WWOX: variants seen among roughly 807,000 people sequenced by gnomAD.
The protein encoded by WWOX is WW domain containing oxidoreductase.
In WWOX, 69 loss-of-function variants were observed where a neutral mutation model predicts 46.2. The observed-to-expected ratio is 1.49, with a 90% confidence interval of 1.23 to 1.82. WWOX has a LOEUF of 1.82. Among genes scored for constraint, WWOX ranks in the 40% most tolerant of loss-of-function variants. The pLI is 0.00. For missense variants in WWOX, 919 were observed against 542.6 expected, an observed-to-expected ratio of 1.69 and a Z score of -6.89; for synonymous variants, 359 against 202.6, an observed-to-expected ratio of 1.77 and a Z score of -6.56.
intron 8 of WWOX, among the ~76,000 whole-genome samples, chr16:78,477,679 T>C (rs2084384790): frequency 6.6e-6 from 1 of 152,198 alleles, no homozygotes; most frequent in East Asian, 1.9e-4. Context: ...TTTTAGCCTA[T>C]AAACTGAAAT....
chr16:79,026,173 T>G (rs1444504781), intron 8 of WWOX, among the ~76,000 whole-genome samples: 1 of 151,678 alleles, frequency 6.6e-6, no homozygotes, highest in African/African-American at 2.4e-5. Flanking sequence ...TCCTCACTCC[T>G]TTTAGGTGAA....
At chr16:78,423,481 T>A (rs983681949) in intron 6 of WWOX, among the ~76,000 whole-genome samples, 4 of 152,154 alleles carry the variant, frequency 2.6e-5, no homozygotes, top group Admixed American at 1.3e-4. Flanking sequence ...ATAGTTCTTA[T>A]TGGTACAGTA....
At chr16:78,777,649 A>G (rs918916826) in intron 8 of WWOX, among the ~76,000 whole-genome samples, 2 of 152,200 alleles carry the variant, frequency 1.3e-5, no homozygotes, top group African/African-American at 2.4e-5. Context: ...AAAAGACCTC[A>G]GGGCAGACTC....
rs114968912 is a variant in WWOX, at chr16:78,586,783, G to C, written c.1056+154031G>C. On this transcript the variant is annotated intron_variant, in intron 8 of 8. Coordinates refer to ENST00000566780, the MANE Select transcript of WWOX (RefSeq NM_016373.4). ...AGGAATTTTGATTCAGGAAGGTTAA[G>C]TAATGTGCCCAGTATCATCTATGTA... 6.4e-3 allele frequency among the ~76,000 whole-genome samples: 978 copies of C among 152,268 alleles called. 12 individuals carry two copies. The highest frequency in any genetic ancestry group is 0.022 in the African/African-American group (923 of 41,536).
At chr16:79,095,099 C>G (rs1211970798) in intron 8 of WWOX, among the ~76,000 whole-genome samples, 1 of 152,168 alleles carries the variant, frequency 6.6e-6, no homozygotes, top group Non-Finnish European at 1.5e-5. Context: ...CAGCCCCGTT[C>G]TATTGCAAAG....
intron 8 of WWOX, among the ~76,000 whole-genome samples, chr16:78,916,302 C>T (rs898813169): frequency 1.3e-5 from 2 of 152,120 alleles, no homozygotes; most frequent in African/African-American, 4.8e-5. Context: ...GACCCTGTTT[C>T]AGAGGGGTTT....
intron 8 of WWOX, among the ~76,000 whole-genome samples, chr16:78,538,783 C>T (rs575742146): frequency 1.3e-5 from 2 of 152,274 alleles, no homozygotes; most frequent in East Asian, 3.9e-4. Context: ...TTTCTGCTAC[C>T]TTCCTAAAAC....
chr16:78,885,247 G>GAA (rs35869310), intron 8 of WWOX, among the ~76,000 whole-genome samples: 59 of 145,248 alleles, frequency 4.1e-4, no homozygotes, highest in East Asian at 8.1e-4. Flanking sequence ...AAGGAACACT[G>GAA]AAAAAAAAAA....
intron 8 of WWOX, among the ~76,000 whole-genome samples, chr16:79,195,267 G>A (rs1817160493): frequency 6.6e-6 from 1 of 152,110 alleles, no homozygotes; most frequent in Admixed American, 6.6e-5. Flanking sequence ...ACCTGTAGGG[G>A]AACGTAGCAA....
At chr16:78,750,253 C>G (rs1463140690) in intron 8 of WWOX, among the ~76,000 whole-genome samples, 1 of 152,184 alleles carries the variant, frequency 6.6e-6, no homozygotes, top group Non-Finnish European at 1.5e-5. Context: ...CTCCACTGAA[C>G]TCCTATTCAG....
intron 8 of WWOX, among the ~76,000 whole-genome samples, chr16:78,908,904 G>T (rs1361896983): frequency 6.6e-6 from 1 of 152,228 alleles, no homozygotes; most frequent in Non-Finnish European, 1.5e-5. Context: ...GGGAGGTTCA[G>T]AATCTTGCAG....
chr16:79,139,088 C>A (rs917151186), intron 8 of WWOX, among the ~76,000 whole-genome samples: 1 of 152,186 alleles, frequency 6.6e-6, no homozygotes, highest in Non-Finnish European at 1.5e-5. Flanking sequence ...TCCGTCTCAT[C>A]CACCAGCTTC....
chr16:78,249,589 A>G (rs1049950697), intron 5 of WWOX, among the ~76,000 whole-genome samples: 9 of 152,228 alleles, frequency 5.9e-5, no homozygotes, highest in Non-Finnish European at 1.3e-4. Context: ...TGGTTTCAGC[A>G]TGCAGGTGAG....
At chr16:78,221,162 G>A (rs2036874130) in intron 5 of WWOX, among the ~76,000 whole-genome samples, 1 of 152,126 alleles carries the variant, frequency 6.6e-6, no homozygotes, top group Middle Eastern at 3.2e-3. Context: ...TACTGTTGGA[G>A]CTTAAAGAAA....
At chr16:78,753,380 C>G (rs1045546649) in intron 8 of WWOX, among the ~76,000 whole-genome samples, 3 of 152,096 alleles carry the variant, frequency 2.0e-5, no homozygotes, top group Non-Finnish European at 4.4e-5. Context: ...TATCCAGGTA[C>G]AAAGACAATG....
At chr16:78,675,614 A>G (rs2047577892) in intron 8 of WWOX, among the ~76,000 whole-genome samples, 1 of 152,086 alleles carries the variant, frequency 6.6e-6, no homozygotes, top group Admixed American at 6.5e-5. Flanking sequence ...ACTGCTCGCA[A>G]CCTCAGATGT....
chr16:79,155,660 T>C (rs886212915), intron 8 of WWOX, among the ~76,000 whole-genome samples: 4 of 152,092 alleles, frequency 2.6e-5, no homozygotes, highest in Non-Finnish European at 5.9e-5. Context: ...TGGGGGATTG[T>C]GTACAAAGTG....
At chr16:78,918,334 C>T (rs373232720) in intron 8 of WWOX, among the ~76,000 whole-genome samples, 1 of 152,198 alleles carries the variant, frequency 6.6e-6, no homozygotes, top group Non-Finnish European at 1.5e-5. Flanking sequence ...TCCTGTTTCT[C>T]TCTTCCTTTT....
intron 5 of WWOX, among the ~76,000 whole-genome samples, chr16:78,236,515 A>C (rs1346467128): frequency 6.6e-6 from 1 of 152,164 alleles, no homozygotes; most frequent in South Asian, 2.1e-4. Context: ...TAAGCACAGG[A>C]ATTGCCTTCA....
Sources: allele counts gnomAD v4.1 joint callset (sites outside exome capture counted in the v4.1 genomes callset), GRCh38; gene constraint gnomAD v4.1.1; transcripts MANE v1.5; gene names NCBI Gene and HGNC (gene_info 2026-07-23, HGNC 2026-07-21).